The following SND1 variants were observed in gnomAD, a reference collection of about 807,000 sequenced individuals.
SND1 encodes staphylococcal nuclease and tudor domain containing 1, also known as staphylococcal nuclease domain-containing protein 1.
Under a neutral mutation model 121.7 loss-of-function variants are expected in SND1, and 38 were observed. That is an observed-to-expected ratio of 0.31 (90% CI 0.24 to 0.41). The LOEUF (loss-of-function observed/expected upper bound fraction) is 0.41. Ranked by LOEUF, SND1 falls within the 10% of genes least tolerant of loss-of-function variation. The pLI, the probability that SND1 is intolerant of heterozygous loss-of-function variation, is 1.00. For missense variants in SND1, 868 were observed against 1,184.6 expected (o/e 0.73, Z 3.92); for synonymous variants, 401 against 447.4 (o/e 0.90, Z 1.31).
intron 11 of SND1, among the ~76,000 whole-genome samples, chr7:127,823,299 C>T (rs985060691): frequency 1.3e-5 from 2 of 152,190 alleles, no homozygotes; most frequent in Admixed American, 6.5e-5. Flanking sequence ...GTCTTTTTCC[C>T]TCCCAGGTGC....
chr7:127,733,941 C>T (rs1796726394), intron 10 of SND1, among the ~76,000 whole-genome samples: 1 of 152,048 alleles, frequency 6.6e-6, no homozygotes, highest in East Asian at 1.9e-4. Flanking sequence ...AGATGTAGTT[C>T]ATAAGCTACT....
At chr7:127,800,582 A>C (rs943452128) in intron 10 of SND1, among the ~76,000 whole-genome samples, 2 of 152,238 alleles carry the variant, frequency 1.3e-5, no homozygotes, top group Non-Finnish European at 2.9e-5. Context: ...AGGGTGATCA[A>C]AGAAGCTTTG....
chr7:128,026,318 C>G (rs1410783536), intron 16 of SND1, among the ~76,000 whole-genome samples: 1 of 152,142 alleles, frequency 6.6e-6, no homozygotes, highest in Non-Finnish European at 1.5e-5. Context: ...TAAGTGTGTG[C>G]CCATACATAT....
chr7:128,074,602 T>C lies in SND1; in HGVS notation c.1880T>C (p.Leu627Pro). ...TCCGTCCTGCTGGTGGAGCACGCGC[T>C]CTCCAAGGTCCACTTCACCGCCGAA... ...NLSVLLVEHALSKVHFTAERS... is the reference protein window; with the variant it reads ...NLSVLLVEHAPSKVHFTAERS... Residue 627 changes from leucine (L) to proline (P), a missense_variant, in exon 17 of 24, where the codon CTC becomes CCC. Leu to Pro is a moderately conservative substitution (Grantham distance 98). Coordinates refer to ENST00000354725, the MANE Select transcript of SND1 (RefSeq NM_014390.4). 6.2e-7 allele frequency: 1 copy of C among 1,613,810 alleles called. No homozygotes were observed. The highest frequency in any genetic ancestry group is 8.5e-7 in the Non-Finnish European group (1 of 1,179,992).
chr7:127,710,834 T>C (rs1796285227), intron 9 of SND1, among the ~76,000 whole-genome samples: 1 of 151,326 alleles, frequency 6.6e-6, no homozygotes, highest in African/African-American at 2.5e-5. Context: ...GGGCGCACAG[T>C]GCTCTTACCC....
At chr7:127,779,122 G>A (rs141338885) in intron 10 of SND1, among the ~76,000 whole-genome samples, 1 of 152,084 alleles carries the variant, frequency 6.6e-6, no homozygotes, top group Non-Finnish European at 1.5e-5. Context: ...CCTTAGTTCC[G>A]CATTGCACTA....
chr7:128,049,656 T>C (rs1168659295), intron 16 of SND1, among the ~76,000 whole-genome samples: 1 of 152,174 alleles, frequency 6.6e-6, no homozygotes, highest in Non-Finnish European at 1.5e-5. Flanking sequence ...AGACCTGTGT[T>C]TGAATTCTGG....
At chr7:127,834,616 G>A (rs1447917196) in intron 11 of SND1, among the ~76,000 whole-genome samples, 1 of 152,018 alleles carries the variant, frequency 6.6e-6, no homozygotes, top group African/African-American at 2.4e-5. Context: ...GGGATGGTGT[G>A]GTATGTTTAC....
intron 16 of SND1, among the ~76,000 whole-genome samples, chr7:128,055,570 C>G (rs569153012): frequency 6.6e-6 from 1 of 152,284 alleles, no homozygotes; most frequent in African/African-American, 2.4e-5. Flanking sequence ...TCATGCTGAG[C>G]AACCAACAGA....
In SND1 at chr7:128,029,052, A is replaced by G. The variant is rs761501656; in HGVS notation, c.1779+37996A>G. The G allele has an allele frequency of 4.3e-6, 7 of 1,613,996 alleles. No individual in the cohort carries two copies. Among genetic ancestry groups the G allele is most frequent in the Non-Finnish European group, 5.9e-6 (7 of 1,180,028 alleles). On this transcript the variant is annotated intron_variant, in intron 16 of 23. Transcript: ENST00000354725. This position sits in a 1 kb window ranked among gnomAD's most constrained non-coding sequence, Gnocchi z 4.2. ...CAGAGTCACTGCCACAAAGCAGCCAATGATGATCTTGGTGGTCTTCATGAC... is the reference window on the plus strand; with the variant it reads ...CAGAGTCACTGCCACAAAGCAGCCAGTGATGATCTTGGTGGTCTTCATGAC...
chr7:127,945,797 C>T (rs1801316887), intron 15 of SND1, among the ~76,000 whole-genome samples: 1 of 152,198 alleles, frequency 6.6e-6, no homozygotes, highest in Non-Finnish European at 1.5e-5. Context: ...TGTGGATTAA[C>T]TCATTTGATC....
intron 10 of SND1, among the ~76,000 whole-genome samples, chr7:127,778,799 C>T (rs1301778891): frequency 6.6e-6 from 1 of 152,142 alleles, no homozygotes; most frequent in Non-Finnish European, 1.5e-5. Flanking sequence ...TACTTAGTGG[C>T]TCAGAGTTCA....
At chr7:127,856,656 T>C (rs1353278783) in intron 12 of SND1, among the ~76,000 whole-genome samples, 1 of 152,224 alleles carries the variant, frequency 6.6e-6, no homozygotes, top group African/African-American at 2.4e-5. Context: ...CTTTCTAATA[T>C]ATCTGCTTAC....
intron 14 of SND1, among the ~76,000 whole-genome samples, chr7:127,922,194 T>TTTTTTGTTTTTTTTTTGTTTTTTTTTG (rs1563058999): frequency 1.6e-5 from 1 of 63,594 alleles, no homozygotes; most frequent in African/African-American, 4.7e-5. Context: ...TTTTTTTTTT[T>TTTTTTGTTTTTTTTTTGTTTTTTTTTG]TTTTTTTTTG....
At chr7:127,822,463 A>T (rs141305172) in intron 11 of SND1, among the ~76,000 whole-genome samples, 17 of 152,338 alleles carry the variant, frequency 1.1e-4, no homozygotes, top group African/African-American at 4.1e-4. Context: ...TGTGAATTCT[A>T]CTAATACTGG....
intron 15 of SND1, among the ~76,000 whole-genome samples, chr7:127,958,681 T>C (rs1395837185): frequency 2.0e-5 from 3 of 152,200 alleles, no homozygotes; most frequent in Non-Finnish European, 4.4e-5. Flanking sequence ...CCAGAGTGCC[T>C]GTCCCTTATG....
At chr7:127,806,689 C>T (rs1798244400) in intron 10 of SND1, among the ~76,000 whole-genome samples, 1 of 152,178 alleles carries the variant, frequency 6.6e-6, no homozygotes, top group Admixed American at 6.5e-5. Flanking sequence ...GGTGTGATGG[C>T]TCAGGCCTGT....
At chr7:127,921,723 C>G (rs1047879305) in intron 14 of SND1, among the ~76,000 whole-genome samples, 2 of 152,172 alleles carry the variant, frequency 1.3e-5, no homozygotes, top group African/African-American at 4.8e-5. Context: ...CCAATTCCTC[C>G]ATTCCTTTTA....
At chr7:127,864,820 T>A (rs1799439945) in intron 12 of SND1, among the ~76,000 whole-genome samples, 1 of 152,182 alleles carries the variant, frequency 6.6e-6, no homozygotes, top group African/African-American at 2.4e-5. Flanking sequence ...CACTCCTGAA[T>A]AAAATGGGTT....
Sources: allele counts gnomAD v4.1 joint callset (sites outside exome capture counted in the v4.1 genomes callset), GRCh38; gene constraint gnomAD v4.1.1; non-coding constraint Gnocchi (gnomAD v3.1); transcripts MANE v1.5; gene names NCBI Gene and HGNC (gene_info 2026-07-23, HGNC 2026-07-21).